Variants in ARHGAP24 observed in about 807,000 individuals in gnomAD.
ARHGAP24 encodes rho GTPase-activating protein 24.
Under a neutral mutation model 76.4 loss-of-function variants are expected in ARHGAP24, and 50 were observed. The ratio of observed to expected loss-of-function variants is 0.65; its 90% CI spans 0.52 to 0.83. The LOEUF is 0.83. ARHGAP24 is among the 40% of genes least tolerant of loss of function. The pLI, the probability that ARHGAP24 is intolerant of heterozygous loss-of-function variation, is 0.00. For synonymous variants in ARHGAP24, 345 were observed against 323.3 expected, an observed-to-expected ratio of 1.07 and a Z score of -0.72; for missense variants, 930 against 914.2, an observed-to-expected ratio of 1.02 and a Z score of -0.22.
intron 1 of ARHGAP24, among the ~76,000 whole-genome samples, chr4:85,504,582 C>T (rs542355128): frequency 4.6e-5 from 7 of 152,262 alleles, no homozygotes; most frequent in African/African-American, 1.4e-4. Flanking sequence ...GTAGATCTTC[C>T]TCCATCCCTT....
At chr4:85,771,512 G>A (rs6831420) in intron 3 of ARHGAP24, among the ~76,000 whole-genome samples, 34,269 of 152,044 alleles carry the variant, frequency 0.23, 4,111 homozygotes, top group Admixed American at 0.29. Context: ...CTCCTGATTC[G>A]AAGGCTAACG....
At chr4:85,725,541 A>G (rs1725137341) in intron 3 of ARHGAP24, among the ~76,000 whole-genome samples, 1 of 152,184 alleles carries the variant, frequency 6.6e-6, no homozygotes, top group African/African-American at 2.4e-5. Context: ...GGAAGAAGGT[A>G]GAGATCTTCC....
chr4:85,692,941 CTG>C lies in ARHGAP24; in HGVS notation c.181-28941_181-28940del, dbSNP rs201156087. Reference sequence around the variant, plus strand: ...CCTGGGAGGGTTAGTGTTTCTTTAACTGTGGTAAAGTTGAGTATAGTCAATTG... The same window carrying C: ...CCTGGGAGGGTTAGTGTTTCTTTAACTGGTAAAGTTGAGTATAGTCAATTG... On this transcript the variant is annotated intron_variant, in intron 2 of 9. Transcript: ENST00000395184. Among the ~76,000 whole-genome samples, 1,485 of 152,260 alleles carry C rather than the reference CTG, an allele frequency of 9.8e-3. 24 individuals are homozygous for C. The highest frequency in any genetic ancestry group is 0.033 in the African/African-American group (1,380 of 41,552).
intron 3 of ARHGAP24, among the ~76,000 whole-genome samples, chr4:85,759,529 A>AG (rs971650516): frequency 3.3e-5 from 5 of 152,176 alleles, no homozygotes; most frequent in South Asian, 2.1e-4. Flanking sequence ...TGCAGAGTCT[A>AG]GGGGGGTGGG....
intron 2 of ARHGAP24, among the ~76,000 whole-genome samples, chr4:85,670,439 G>A (rs1156768231): frequency 1.3e-5 from 2 of 152,022 alleles, no homozygotes; most frequent in Non-Finnish European, 2.9e-5. Context: ...AAAGCTCTAG[G>A]GCATATTAAA....
At chr4:85,858,226 C>CT (rs1731695195) in intron 3 of ARHGAP24, among the ~76,000 whole-genome samples, 2 of 152,144 alleles carry the variant, frequency 1.3e-5, no homozygotes, top group Admixed American at 6.6e-5. Flanking sequence ...AGAAACAACT[C>CT]TAACATTTGT....
intron 2 of ARHGAP24, among the ~76,000 whole-genome samples, chr4:85,683,131 G>GGGGGGGGGGGA (rs1723288012): frequency 7.7e-6 from 1 of 129,672 alleles, no homozygotes; most frequent in African/African-American, 2.7e-5. Context: ...GGGGGGGTGC[G>GGGGGGGGGGGA]GGGGCTGTAA....
At chr4:85,846,483 G>A (rs1730892638) in intron 3 of ARHGAP24, among the ~76,000 whole-genome samples, 1 of 152,144 alleles carries the variant, frequency 6.6e-6, no homozygotes, top group African/African-American at 2.4e-5. Flanking sequence ...AAACAGTACA[G>A]CATAAATAAC....
chr4:85,968,943 G>A (rs2148848661), intron 5 of ARHGAP24, among the ~76,000 whole-genome samples: 1 of 152,160 alleles, frequency 6.6e-6, no homozygotes, highest in South Asian at 2.1e-4. Flanking sequence ...TTAGCTGTGT[G>A]CATATATACT....
chr4:85,815,885 T>C (rs11931240), intron 3 of ARHGAP24, among the ~76,000 whole-genome samples: 1,783 of 152,292 alleles, frequency 0.012, 41 homozygotes, highest in African/African-American at 0.04. Flanking sequence ...ATTGGACTTA[T>C]GGCTTCACGT....
chr4:85,554,879 A>G (rs561537508), intron 1 of ARHGAP24, among the ~76,000 whole-genome samples: 1 of 149,158 alleles, frequency 6.7e-6, no homozygotes, highest in African/African-American at 2.5e-5. Flanking sequence ...ATGGGGTTTC[A>G]CTGTGTTAGC....
intron 3 of ARHGAP24, among the ~76,000 whole-genome samples, chr4:85,777,835 G>A (rs1380361186): frequency 6.6e-6 from 1 of 152,006 alleles, no homozygotes; most frequent in African/African-American, 2.4e-5. Context: ...ATTATAATAA[G>A]CACATCACTC....
At position 85,620,426 on chromosome 4, in the gene ARHGAP24, A is replaced by AT. The variant is rs557366617; in HGVS notation, c.180+49712dup. ...TTCATCCATTTCTTCTAGGTTATCC[A>AT]TTTTTTTGGTGTATAATTGTTCATA... On this transcript the variant is annotated intron_variant, in intron 2 of 9. Transcript: ENST00000395184. Among the ~76,000 whole-genome samples the AT allele has an allele frequency of 6.1e-4, 93 of 151,730 alleles. No homozygotes were observed. The South Asian group carries it at 0.013, about 21-fold the overall frequency.
chr4:85,858,861 A>T (rs1397059251), intron 3 of ARHGAP24, among the ~76,000 whole-genome samples: 1 of 152,106 alleles, frequency 6.6e-6, no homozygotes, highest in Non-Finnish European at 1.5e-5. Flanking sequence ...TAGTAATAAA[A>T]ATAAAAATAA....
chr4:85,740,515 C>A (rs189200808), intron 3 of ARHGAP24, among the ~76,000 whole-genome samples: 1 of 152,198 alleles, frequency 6.6e-6, no homozygotes, highest in East Asian at 1.9e-4. Flanking sequence ...AGCCGATATT[C>A]TTTATTAGTC....
chr4:85,583,246 G>A (rs1234562995), intron 2 of ARHGAP24, among the ~76,000 whole-genome samples: 1 of 152,040 alleles, frequency 6.6e-6, no homozygotes, highest in Non-Finnish European at 1.5e-5. Flanking sequence ...AATTAAAGAT[G>A]TATTTTAATA....
chr4:85,633,400 G>A (rs1721221888), intron 2 of ARHGAP24, among the ~76,000 whole-genome samples: 1 of 151,876 alleles, frequency 6.6e-6, no homozygotes, highest in South Asian at 2.1e-4. Context: ...TTCTCATCAA[G>A]TATTTATGTG....
intron 1 of ARHGAP24, among the ~76,000 whole-genome samples, 154 bp from the exon 2 acceptor site, chr4:85,570,368 T>G (rs1378263103): frequency 5.9e-3 from 9 of 1,528 alleles, no homozygotes; most frequent in African/African-American, 0.022. Context: ...TTCTTTCTCT[T>G]TCTTTCTTTC....
chr4:85,852,346 G>A (rs113754593), intron 3 of ARHGAP24, among the ~76,000 whole-genome samples: 3,017 of 152,182 alleles, frequency 0.02, 100 homozygotes, highest in African/African-American at 0.069. Context: ...TTAGCCTTTT[G>A]TCTAATCTTT....
Sources: allele counts gnomAD v4.1 joint callset (sites outside exome capture counted in the v4.1 genomes callset), GRCh38; gene constraint gnomAD v4.1.1; transcripts MANE v1.5; gene names NCBI Gene and HGNC (gene_info 2026-07-23, HGNC 2026-07-21).